CNTLN: variants seen among roughly 807,000 people sequenced by gnomAD.
CNTLN encodes the protein centlein, also known as centlein, centrosomal protein.
Under a neutral mutation model 180.0 loss-of-function variants are expected in CNTLN, and 212 were observed. The ratio of observed to expected loss-of-function variants is 1.18; its 90% CI spans 1.05 to 1.32. The LOEUF (loss-of-function observed/expected upper bound fraction) is 1.32, where lower values mean the gene tolerates loss of function less well. CNTLN is among the 40% of genes most tolerant of loss of function. The pLI is 0.00. For synonymous variants in CNTLN, 722 were observed against 563.1 expected (o/e 1.28, Z -3.99); for missense variants, 2,095 against 1,610.9 (o/e 1.30, Z -5.14).
intron 3 of CNTLN, among the ~76,000 whole-genome samples, chr9:17,235,434 A>G (rs10962923): frequency 0.23 from 34,512 of 151,888 alleles, 5,087 homozygotes; most frequent in African/African-American, 0.42. Context: ...TTAATATTTA[A>G]TATCCAGTTT....
At chr9:17,450,636 C>T (rs1036114350) in intron 18 of CNTLN, among the ~76,000 whole-genome samples, 1 of 152,132 alleles carries the variant, frequency 6.6e-6, no homozygotes, top group Admixed American at 6.5e-5. Context: ...CTACTGAAGT[C>T]TAACTACTAG....
chr9:17,427,981 G>T (rs1016129518), intron 18 of CNTLN, among the ~76,000 whole-genome samples: 1 of 152,148 alleles, frequency 6.6e-6, no homozygotes, highest in East Asian at 1.9e-4. Flanking sequence ...CTTATTTGTG[G>T]TAAGAGACAG....
intron 13 of CNTLN, among the ~76,000 whole-genome samples, chr9:17,383,470 C>T (rs941628977): frequency 2.0e-5 from 3 of 151,346 alleles, no homozygotes; most frequent in African/African-American, 4.9e-5. Context: ...GCTGAGATCA[C>T]GCCACTGCAT....
At chr9:17,307,211 G>C (rs1377413165) in intron 7 of CNTLN, among the ~76,000 whole-genome samples, 1 of 152,106 alleles carries the variant, frequency 6.6e-6, no homozygotes, top group East Asian at 1.9e-4. Flanking sequence ...AGATTGCCTA[G>C]ACTTTGGCAA....
intron 8 of CNTLN, among the ~76,000 whole-genome samples, chr9:17,325,421 CACAG>C (rs1820213981): frequency 6.8e-6 from 1 of 146,550 alleles, no homozygotes; most frequent in Admixed American, 6.8e-5. Flanking sequence ...TGTATGTATA[CACAG>C]ACAATTATAT....
intron 2 of CNTLN, among the ~76,000 whole-genome samples, chr9:17,216,191 A>C (rs1823741352): frequency 6.6e-6 from 1 of 152,108 alleles, no homozygotes; most frequent in African/African-American, 2.4e-5. Flanking sequence ...ACCAACTTGG[A>C]ACTGTCCCCC....
Position 17,465,990 on chromosome 9 carries a change from T to C in CNTLN, c.3541T>C (p.Leu1181=). The C allele has an allele frequency of 6.2e-7, 1 of 1,602,126 alleles. No homozygotes were observed. Among genetic ancestry groups the C allele is most frequent in the Non-Finnish European group, 8.5e-7 (1 of 1,172,274 alleles). The change falls in exon 22 of 26, where the codon TTA becomes CTA. Residue 1181 remains leucine, a synonymous_variant. Coordinates refer to ENST00000380647, the MANE Select transcript of CNTLN (RefSeq NM_017738.4). ...TATGCTTTTAATGTAGGTAAAGACATTAACTGAAGAATGTTCCAACAAGAA... is the reference window on the plus strand; with the variant it reads ...TATGCTTTTAATGTAGGTAAAGACACTAACTGAAGAATGTTCCAACAAGAA... ...LQNLDKKVKT[L]TEECSNKKVS...
chr9:17,272,366 C>T (rs1020955415), intron 5 of CNTLN, among the ~76,000 whole-genome samples: 2 of 152,052 alleles, frequency 1.3e-5, no homozygotes, highest in South Asian at 2.1e-4. Context: ...TGAGTCACTG[C>T]GCCTGGCCAG....
intron 18 of CNTLN, among the ~76,000 whole-genome samples, chr9:17,439,090 A>G (rs1020894571): frequency 6.6e-6 from 1 of 152,192 alleles, no homozygotes; most frequent in African/African-American, 2.4e-5. Flanking sequence ...TTAAATATGC[A>G]TACATTTTAG....
chr9:17,510,394 A>G, the CNTLN span, among the ~76,000 whole-genome samples: 17 of 152,208 alleles, frequency 1.1e-4, no homozygotes, highest in South Asian at 2.1e-4. Context: ...TTCAGTTGAC[A>G]AGGGTGGACT....
the CNTLN span, among the ~76,000 whole-genome samples, chr9:17,511,670 ACG>A: frequency 1.3e-5 from 2 of 150,408 alleles, no homozygotes; most frequent in African/African-American, 5.0e-5. Context: ...ACACACACAC[ACG>A]CACACGTGCA....
intron 24 of CNTLN, among the ~76,000 whole-genome samples, chr9:17,486,320 G>A (rs1832885760): frequency 6.6e-6 from 1 of 151,628 alleles, no homozygotes; most frequent in African/African-American, 2.4e-5. Flanking sequence ...AGTTTCTCAC[G>A]CCCTTCCCTT....
At chr9:17,161,386 A>G (rs1173316666) in intron 2 of CNTLN, among the ~76,000 whole-genome samples, 2 of 152,156 alleles carry the variant, frequency 1.3e-5, no homozygotes, top group Admixed American at 1.3e-4. Context: ...CTCACTTTAG[A>G]TTATTGGTAT....
At chr9:17,203,703 C>T (rs1457937899) in intron 2 of CNTLN, among the ~76,000 whole-genome samples, 1 of 152,066 alleles carries the variant, frequency 6.6e-6, no homozygotes, top group Non-Finnish European at 1.5e-5. Flanking sequence ...ACTACAGGCA[C>T]CCGCCACCAC....
At chr9:17,430,254 T>C (rs1829338305) in intron 18 of CNTLN, among the ~76,000 whole-genome samples, 2 of 152,038 alleles carry the variant, frequency 1.3e-5, no homozygotes, top group Non-Finnish European at 2.9e-5. Flanking sequence ...CCAGTCCGTG[T>C]TATCATAGCT....
At chr9:17,295,365 G>T (rs146655771) in intron 6 of CNTLN, among the ~76,000 whole-genome samples, 1 of 152,200 alleles carries the variant, frequency 6.6e-6, no homozygotes, top group African/African-American at 2.4e-5. Context: ...CCACGACTGC[G>T]AGGGCTGCCA....
In CNTLN at chr9:17,440,584, G is replaced by A. The variant is rs368527498; in HGVS notation, c.3115-16940G>A. On this transcript the variant is annotated intron_variant, in intron 18 of 25. Transcript: ENST00000380647. ...AGCCTGGGCGACGGAGCGAGACTCC[G>A]TCTCAAAAAAAAAAAAAAGAACTGA... is the stretch of plus-strand genomic sequence containing the variant. Among the ~76,000 whole-genome samples, 109 of 94,506 alleles carry A rather than the reference G, an allele frequency of 1.2e-3. 1 individual carries two copies. Among genetic ancestry groups the A allele is most frequent in the Admixed American group, 3.2e-3 (29 of 8,932 alleles). The allele number at this position is 94,506 out of a possible 152,430, so 62.0% of individuals were successfully genotyped here.
intron 7 of CNTLN, among the ~76,000 whole-genome samples, chr9:17,303,791 C>G (rs1818526926): frequency 6.6e-6 from 1 of 151,892 alleles, no homozygotes; most frequent in Non-Finnish European, 1.5e-5. Flanking sequence ...ATTATTTATT[C>G]AAAATTTCAA....
chr9:17,487,444 C>A (rs1014792066), intron 25 of CNTLN, among the ~76,000 whole-genome samples: 4 of 152,044 alleles, frequency 2.6e-5, no homozygotes. Flanking sequence ...TTTCAGTGAC[C>A]TTTTACTATG....
Sources: allele counts gnomAD v4.1 joint callset (sites outside exome capture counted in the v4.1 genomes callset), GRCh38; gene constraint gnomAD v4.1.1; transcripts MANE v1.5; gene names NCBI Gene and HGNC (gene_info 2026-07-23, HGNC 2026-07-21).